Variants in DMD observed in about 807,000 individuals in gnomAD.
DMD encodes dystrophin.
A neutral mutation model predicts 330.1 loss-of-function variants in DMD; 63 were observed. The ratio of observed to expected loss-of-function variants is 0.19; its 90% CI spans 0.16 to 0.24. DMD has a LOEUF of 0.24. DMD is among the 10% of genes least tolerant of loss of function. The pLI is 1.00. For synonymous variants in DMD, 1,223 were observed against 959.8 expected (o/e 1.27, Z -5.07); for missense variants, 3,344 against 2,684.1 (o/e 1.25, Z -5.43).
At chrX:33,339,299 A>G in exon 1 of DMD, 15 of 1,026,596 alleles carry the variant, frequency 1.5e-5, no homozygotes, top group Non-Finnish European at 1.8e-5. Context: ...CATCATGCCA[A>G]TAAGTTGGCT....
rs112453847 is a variant in DMD at position 32,881,656 on chromosome X, TATAAG to T, written c.94-31841_94-31837del. Among the ~76,000 whole-genome samples, 470 of 112,490 alleles carry T rather than the reference TATAAG, an allele frequency of 4.2e-3. 8 individuals are homozygous for T. The East Asian group carries it at 0.062, about 15-fold the overall frequency. ...AAGAAAAATTATGCTTTAATGGAAA[TATAAG>T]ATGTTTTTGTTGCCTTAAGTATTGC... On this transcript the variant is annotated intron_variant, in intron 2 of 78. Coordinates refer to ENST00000357033, the MANE Select transcript of DMD (RefSeq NM_004006.3).
At chrX:31,696,075 A>T (rs1218530922) in intron 52 of DMD, among the ~76,000 whole-genome samples, 1 of 111,526 alleles carries the variant, frequency 9.0e-6, no homozygotes, top group African/African-American at 3.2e-5. Context: ...TAAAATTTTT[A>T]AAATGAATAT....
rs973764323 is a variant in DMD at position 32,263,721 on chromosome X, T to C, written c.6290+23808A>G. Among the ~76,000 whole-genome samples the C allele has an allele frequency of 3.6e-5, 4 of 111,604 alleles. No individual in the cohort carries two copies. The Admixed American group carries it at 3.8e-4, about 11-fold the overall frequency. ...TGGACGACAAAAGAAGATGAAAATG[T>C]CCTCTATAGGAAGGCCATCCAGGAT... On this transcript the variant is annotated intron_variant, in intron 43 of 78. Transcript: ENST00000357033.
chrX:31,454,403 A>G (rs2066002658), intron 59 of DMD, among the ~76,000 whole-genome samples: 1 of 111,912 alleles, frequency 8.9e-6, no homozygotes, highest in Admixed American at 9.4e-5. Flanking sequence ...CGGCCTCCCA[A>G]AGTGCTGGGA....
chrX:32,833,215 G>A (rs767315930), intron 4 of DMD, among the ~76,000 whole-genome samples: 2 of 111,157 alleles, frequency 1.8e-5, no homozygotes, highest in Non-Finnish European at 3.8e-5. Context: ...ATACATTGCA[G>A]GAGAATTATT....
At chrX:32,729,194 G>T (rs996192399) in intron 7 of DMD, among the ~76,000 whole-genome samples, 4 of 111,753 alleles carry the variant, frequency 3.6e-5, no homozygotes, top group African/African-American at 1.3e-4. Flanking sequence ...AATCATTTCG[G>T]ATTTCAGATT....
chrX:31,623,457 G>A, intron 55 of DMD, among the ~76,000 whole-genome samples: 1 of 110,417 alleles, frequency 9.1e-6, no homozygotes. Context: ...AGAGACGGGG[G>A]TTTCACCTTG....
chrX:33,333,924 A>G (rs2054215400), intron 1 of DMD, among the ~76,000 whole-genome samples: 2 of 111,154 alleles, frequency 1.8e-5, no homozygotes, highest in Middle Eastern at 4.7e-3. Flanking sequence ...TAAAACTGCA[A>G]TTCCAAAGCT....
intron 77 of DMD, among the ~76,000 whole-genome samples, chrX:31,129,093 C>A: frequency 9.0e-6 from 1 of 110,794 alleles, no homozygotes; most frequent in East Asian, 2.8e-4. Flanking sequence ...CTGGGGCAGT[C>A]CTGAGTCTAA....
At chrX:32,560,734 C>A (rs755612630) in intron 16 of DMD, among the ~76,000 whole-genome samples, 1 of 111,764 alleles carries the variant, frequency 8.9e-6, no homozygotes, top group Non-Finnish European at 1.9e-5. Flanking sequence ...ATAACAGCTT[C>A]CAGCTACATC....
rs747108325 is a variant in DMD at position 33,089,064 on chromosome X, A to ATT, written c.32-68866_32-68865dup. On this transcript the variant is annotated intron_variant, in intron 1 of 78. Coordinates refer to ENST00000357033, the MANE Select transcript of DMD (RefSeq NM_004006.3). ...CATGATATCTATTGCTACTCAATTCATTTTTTTTTTTTTTTTTTTGAGACA... is the reference window on the plus strand; with the variant it reads ...CATGATATCTATTGCTACTCAATTCATTTTTTTTTTTTTTTTTTTTTGAGACA... Among the ~76,000 whole-genome samples the ATT allele has an allele frequency of 3.6e-3, 315 of 86,460 alleles. 3 individuals are homozygous for ATT. The highest frequency in any genetic ancestry group is 0.013 in the African/African-American group (286 of 21,532). 75.1% of individuals were successfully genotyped at this position (86,460 alleles called of 115,157 possible).
intron 59 of DMD, among the ~76,000 whole-genome samples, chrX:31,458,277 G>T (rs112406581): frequency 2.5e-3 from 278 of 110,437 alleles, no homozygotes; most frequent in African/African-American, 8.4e-3. Context: ...CTTGAGTCAA[G>T]AGTTTATTCA....
At chrX:32,452,315 GT>G (rs1457275733) in intron 26 of DMD, among the ~76,000 whole-genome samples, 11 of 15,141 alleles carry the variant, frequency 7.3e-4, no homozygotes, top group African/African-American at 3.1e-3. Flanking sequence ...GAAAGTGAAA[GT>G]GAAAGTGAAA....
chrX:31,339,894 C>A (rs2057632031), intron 61 of DMD, among the ~76,000 whole-genome samples: 1 of 112,251 alleles, frequency 8.9e-6, no homozygotes, highest in Non-Finnish European at 1.9e-5. Flanking sequence ...CTTATTTAAG[C>A]CAATCTGAAG....
intron 6 of DMD, among the ~76,000 whole-genome samples, chrX:32,814,649 G>T (rs1176006223): frequency 1.8e-5 from 2 of 111,975 alleles, no homozygotes; most frequent in Non-Finnish European, 3.8e-5. Context: ...CATCCAATAT[G>T]ACAGGAGAGA....
At chrX:33,285,157 T>C (rs1252771550) in intron 1 of DMD, among the ~76,000 whole-genome samples, 3 of 111,886 alleles carry the variant, frequency 2.7e-5, no homozygotes, top group Non-Finnish European at 5.6e-5. Flanking sequence ...ACTGGTATTT[T>C]GTCAATTACC....
intron 7 of DMD, among the ~76,000 whole-genome samples, chrX:32,713,417 G>A (rs1405153548): frequency 1.8e-5 from 2 of 110,979 alleles, no homozygotes; most frequent in Non-Finnish European, 3.8e-5. Flanking sequence ...AGAAAGCTGG[G>A]GAAATTTCTC....
chrX:31,918,683 G>A (rs1038264575), intron 47 of DMD, among the ~76,000 whole-genome samples: 5 of 109,304 alleles, frequency 4.6e-5, no homozygotes, highest in African/African-American at 1.7e-4. Flanking sequence ...GGTTGCCCAG[G>A]CTGGAATGCA....
At chrX:31,627,929 A>G (rs367552049) in intron 54 of DMD, 67 bp from the exon 55 acceptor site, 2 of 1,038,039 alleles carry the variant, frequency 1.9e-6, no homozygotes, top group African/African-American at 1.8e-5. Context: ...TGAACTCCAT[A>G]AAAAGAGAAA....
Sources: gnomAD v4.1 joint callset for allele counts (sites outside exome capture counted in the v4.1 genomes callset) on GRCh38, gnomAD v4.1.1 for gene constraint, MANE v1.5 for transcripts, NCBI Gene and HGNC (gene_info 2026-07-23, HGNC 2026-07-21) for gene names.